PDZRN3: variants seen among roughly 807,000 people sequenced by gnomAD.
PDZRN3 encodes E3 ubiquitin-protein ligase PDZRN3.
In PDZRN3, 38 loss-of-function variants were observed where a neutral mutation model predicts 85.7. That is an observed-to-expected ratio of 0.44 (90% CI 0.34 to 0.58). The LOEUF is 0.58. Among genes scored for constraint, PDZRN3 ranks in the 20% least tolerant of loss-of-function variants. The probability of loss-of-function intolerance (pLI) is 0.01; values close to 1 mark genes in which losing one functional copy is unlikely to be tolerated. For synonymous variants in PDZRN3, 759 were observed against 638.0 expected (o/e 1.19, Z -2.86); for missense variants, 1,629 against 1,506.4 (o/e 1.08, Z -1.35).
intron 3 of PDZRN3, among the ~76,000 whole-genome samples, chr3:73,595,759 CAAACT>C (rs1702422175): frequency 6.6e-6 from 1 of 152,086 alleles, no homozygotes; most frequent in Non-Finnish European, 1.5e-5. Context: ...AACTGGATTA[CAAACT>C]GACTTGGACT....
At chr3:73,491,032 C>A (rs1703760805) in intron 3 of PDZRN3, among the ~76,000 whole-genome samples, 1 of 152,222 alleles carries the variant, frequency 6.6e-6, no homozygotes, top group Non-Finnish European at 1.5e-5. Context: ...GTTCAGCTCG[C>A]TCCAGGAAAG....
intron 3 of PDZRN3, among the ~76,000 whole-genome samples, chr3:73,545,829 C>T (rs1373788631): frequency 3.0e-4 from 45 of 152,140 alleles, no homozygotes. Context: ...GTTTTTTCCA[C>T]ACCACATTAG....
chr3:73,507,868 C>T (rs1388189878), intron 3 of PDZRN3, among the ~76,000 whole-genome samples: 4 of 151,998 alleles, frequency 2.6e-5, no homozygotes, highest in East Asian at 1.9e-4. Flanking sequence ...ACGAGGTGGG[C>T]GATCATTTGA....
At chr3:73,577,788 A>C (rs960127585) in intron 3 of PDZRN3, among the ~76,000 whole-genome samples, 1 of 152,212 alleles carries the variant, frequency 6.6e-6, no homozygotes, top group South Asian at 2.1e-4. Context: ...CAGCATTGCT[A>C]CTAGCCCAGT....
intron 2 of PDZRN3, 21 bp from the exon 3 acceptor site, chr3:73,602,482 C>G (rs754308868): frequency 2.0e-6 from 2 of 1,011,038 alleles, no homozygotes; most frequent in African/African-American, 3.3e-5. Context: ...AAAAAAAAAA[C>G]ATGCATGAAT....
chr3:73,495,768 A>G (rs1703855074), intron 3 of PDZRN3, among the ~76,000 whole-genome samples: 1 of 152,238 alleles, frequency 6.6e-6, no homozygotes, highest in Non-Finnish European at 1.5e-5. Flanking sequence ...GGCAATAGCA[A>G]AAATGCAGTG....
rs185398295 is a variant in PDZRN3 at position 73,557,517 on chromosome 3, T to G, written c.918+44837A>C. 1.6e-3 allele frequency among the ~76,000 whole-genome samples: 242 copies of G among 152,350 alleles called. 1 individual carries two copies. Among genetic ancestry groups the G allele is most frequent in the African/African-American group, 5.7e-3 (235 of 41,580 alleles). ...TTCCCATTTTAAGTTAACAATGATATACTTTAAATCCAAGGCCTCATATTA... is the reference window on the plus strand; with the variant it reads ...TTCCCATTTTAAGTTAACAATGATAGACTTTAAATCCAAGGCCTCATATTA... On this transcript the variant is annotated intron_variant, in intron 3 of 9. Transcript: ENST00000263666.
intron 5 of PDZRN3, among the ~76,000 whole-genome samples, chr3:73,399,635 T>C (rs1474428774): frequency 6.6e-6 from 1 of 152,120 alleles, no homozygotes; most frequent in Admixed American, 6.5e-5. Context: ...AGAGGCAGAA[T>C]CCTGATTTTT....
chr3:73,521,190 C>A (rs921178922), intron 3 of PDZRN3, among the ~76,000 whole-genome samples: 1 of 152,136 alleles, frequency 6.6e-6, no homozygotes, highest in Non-Finnish European at 1.5e-5. Flanking sequence ...ACTCGTTAAA[C>A]GGGTTGTTGT....
At position 73,624,394 on chromosome 3, in the gene PDZRN3, C is replaced by T. The variant is rs773448704; in HGVS notation, c.432G>A (p.Glu144=). Residue 144 remains glutamate, a synonymous_variant, in exon 1 of 10, where the codon GAG becomes GAA. Transcript: ENST00000263666. ...CDARPVGRCQ[E]GCGLPLTHGE... is the part of the protein sequence containing the mutation. ...CGTGCGTCAAGGGTAGCCCGCAGCC[C>T]TCCTGGCAGCGGCCCACTGGCCGCG... is the stretch of plus-strand genomic sequence containing the variant. 113 of 1,306,908 alleles carry T rather than the reference C, an allele frequency of 8.6e-5. 1 individual carries two copies. The East Asian group carries it at 3.3e-3, about 38-fold the overall frequency. The allele number at this position is 1,306,908 out of a possible 1,614,324, so 81.0% of individuals were successfully genotyped here. A position where few individuals can be genotyped will look rare whatever the true frequency, so the allele number is the denominator to read the frequency against.
chr3:73,433,655 A>C, intron 3 of PDZRN3: 2 of 1,534,350 alleles, frequency 1.3e-6, no homozygotes, highest in Non-Finnish European at 1.7e-6. Flanking sequence ...AACTTCATAG[A>C]GTAATTTGTA....
chr3:73,570,634 T>C (rs1479925749), intron 3 of PDZRN3, among the ~76,000 whole-genome samples: 1 of 152,108 alleles, frequency 6.6e-6, no homozygotes, highest in African/African-American at 2.4e-5. Context: ...TAGATTCAGG[T>C]TTCCTCAAAA....
At chr3:73,623,472 G>C (rs1358870256) in intron 1 of PDZRN3, 3 of 152,182 alleles carry the variant, frequency 2.0e-5, no homozygotes, top group African/African-American at 7.2e-5. Flanking sequence ...CGTCTCTAGG[G>C]ACCATAGTTT....
chr3:73,528,000 G>A lies in PDZRN3; in HGVS notation c.918+74354C>T, dbSNP rs9863141. Among the ~76,000 whole-genome samples, 1,317 of 152,300 alleles carry A rather than the reference G, an allele frequency of 8.6e-3. 21 individuals carry two copies. Among genetic ancestry groups the A allele is most frequent in the African/African-American group, 0.03 (1,254 of 41,556 alleles). ...GTGCTGGCATAGCCAAAAGCCCACC[G>A]GCTTATGTCCACACACAATAAACCT... On this transcript the variant is annotated intron_variant, in intron 3 of 9. Coordinates refer to ENST00000263666, the MANE Select transcript of PDZRN3 (RefSeq NM_015009.3).
At chr3:73,395,587 A>T (rs1254573891) in intron 5 of PDZRN3, among the ~76,000 whole-genome samples, 1 of 152,210 alleles carries the variant, frequency 6.6e-6, no homozygotes, top group African/African-American at 2.4e-5. Context: ...CTCAAAGACT[A>T]ATTTCAATGC....
intron 3 of PDZRN3, among the ~76,000 whole-genome samples, chr3:73,532,342 CTCT>C (rs988092170): frequency 6.6e-6 from 1 of 152,190 alleles, no homozygotes; most frequent in African/African-American, 2.4e-5. Context: ...TTCAATAAAA[CTCT>C]TCTTTGATGA....
chr3:73,621,296 G>T (rs949631980), intron 1 of PDZRN3, among the ~76,000 whole-genome samples: 1 of 152,210 alleles, frequency 6.6e-6, no homozygotes, highest in African/African-American at 2.4e-5. Context: ...TTTAAAGAAT[G>T]CCACATCATT....
intron 3 of PDZRN3, among the ~76,000 whole-genome samples, chr3:73,457,606 G>T (rs144252744): frequency 6.6e-6 from 1 of 152,040 alleles, no homozygotes; most frequent in African/African-American, 2.4e-5. Flanking sequence ...TCATCATTTT[G>T]CAAGCCCAGT....
intron 3 of PDZRN3, among the ~76,000 whole-genome samples, chr3:73,451,708 A>G (rs1411726871): frequency 6.6e-6 from 1 of 152,206 alleles, no homozygotes; most frequent in Non-Finnish European, 1.5e-5. Flanking sequence ...CCACTGTGTT[A>G]AAACATCGCT....
Sources: allele counts gnomAD v4.1 joint callset (sites outside exome capture counted in the v4.1 genomes callset), GRCh38; gene constraint gnomAD v4.1.1; transcripts MANE v1.5; gene names NCBI Gene and HGNC (gene_info 2026-07-23, HGNC 2026-07-21).